The following FHOD3 variants were observed in gnomAD, a reference collection of about 807,000 sequenced individuals.
FHOD3 encodes formin homology 2 domain containing 3.
Under a neutral mutation model 173.0 loss-of-function variants are expected in FHOD3, and 90 were observed. The ratio of observed to expected loss-of-function variants is 0.52; its 90% CI spans 0.44 to 0.62. The LOEUF (loss-of-function observed/expected upper bound fraction) is 0.62, where lower values mean the gene tolerates loss of function less well. FHOD3 is among the 20% of genes least tolerant of loss of function. The probability of loss-of-function intolerance (pLI) is 0.00; values close to 1 mark genes in which losing one functional copy is unlikely to be tolerated. For missense variants in FHOD3, 1,945 were observed against 2,034.7 expected, an observed-to-expected ratio of 0.96 and a Z score of 0.85; for synonymous variants, 828 against 823.0, an observed-to-expected ratio of 1.01 and a Z score of -0.10.
intron 1 of FHOD3, among the ~76,000 whole-genome samples, chr18:36,301,044 G>T (rs1475771430): frequency 2.0e-5 from 3 of 152,144 alleles, no homozygotes; most frequent in Non-Finnish European, 2.9e-5. Context: ...GCCTGGCTGG[G>T]AGTAAACTTT....
intron 3 of FHOD3, among the ~76,000 whole-genome samples, chr18:36,499,756 T>A (rs2145986054): frequency 6.6e-6 from 1 of 152,262 alleles, no homozygotes; most frequent in Middle Eastern, 3.4e-3. Context: ...TTTCTTCGGG[T>A]CAGAGATGAA....
intron 5 of FHOD3, among the ~76,000 whole-genome samples, chr18:36,562,083 G>T (rs1338435872): frequency 2.0e-5 from 3 of 151,884 alleles, no homozygotes; most frequent in Admixed American, 2.0e-4. Flanking sequence ...ATGGCGCAAT[G>T]TTGGCTCACT....
At chr18:36,312,983 G>A (rs1250354361) in intron 1 of FHOD3, among the ~76,000 whole-genome samples, 1 of 152,176 alleles carries the variant, frequency 6.6e-6, no homozygotes, top group Non-Finnish European at 1.5e-5. Flanking sequence ...CAGTCATATG[G>A]CCAGTGCCTG....
intron 15 of FHOD3, among the ~76,000 whole-genome samples, chr18:36,684,041 G>T (rs986116559): frequency 1.3e-5 from 2 of 152,222 alleles, no homozygotes; most frequent in African/African-American, 2.4e-5. Context: ...CTGAATGCAT[G>T]TCTGATTTGT....
chr18:36,385,094 TCCATAA>T (rs1271763928), intron 3 of FHOD3, among the ~76,000 whole-genome samples: 2 of 152,242 alleles, frequency 1.3e-5, no homozygotes, highest in African/African-American at 4.8e-5. Flanking sequence ...GAGCCCATCT[TCCATAA>T]CCAGAACTGG....
chr18:36,524,500 G>A (rs558096833), intron 5 of FHOD3, among the ~76,000 whole-genome samples: 1 of 152,246 alleles, frequency 6.6e-6, no homozygotes, highest in South Asian at 2.1e-4. Flanking sequence ...CCAGGGAGTT[G>A]GACTCATTGA....
chr18:36,749,910 G>C (rs1158480480), intron 24 of FHOD3, among the ~76,000 whole-genome samples: 1 of 150,458 alleles, frequency 6.6e-6, no homozygotes, highest in Non-Finnish European at 1.5e-5. Flanking sequence ...TTGTGGTTTA[G>C]ATTTGCATTT....
At chr18:36,416,950 C>A (rs73949493) in intron 3 of FHOD3, among the ~76,000 whole-genome samples, 7,472 of 152,194 alleles carry the variant, frequency 0.049, 405 homozygotes, top group African/African-American at 0.12. Flanking sequence ...CCACCACTCC[C>A]ACCCTGGCTC....
At chr18:36,446,568 G>A (rs1263211811) in intron 3 of FHOD3, among the ~76,000 whole-genome samples, 1 of 152,182 alleles carries the variant, frequency 6.6e-6, no homozygotes, top group Non-Finnish European at 1.5e-5. Flanking sequence ...TTGCAAGTCA[G>A]TAAGGGTCTG....
intron 2 of FHOD3, among the ~76,000 whole-genome samples, chr18:36,371,034 A>G (rs1013512182): frequency 6.6e-6 from 1 of 152,238 alleles, no homozygotes; most frequent in African/African-American, 2.4e-5. Flanking sequence ...ATCTGTGTTC[A>G]CAGGAATCTT....
At chr18:36,334,868 C>G (rs544550412) in intron 1 of FHOD3, among the ~76,000 whole-genome samples, 2 of 152,102 alleles carry the variant, frequency 1.3e-5, no homozygotes, top group Non-Finnish European at 2.9e-5. Flanking sequence ...GCCCCTCTGG[C>G]CCAAAGATAG....
At chr18:36,709,764 T>A (rs1240124361) in intron 18 of FHOD3, 1 of 182,224 alleles carries the variant, frequency 5.5e-6, no homozygotes, top group African/African-American at 2.4e-5. Context: ...TAAGGCTTTT[T>A]CCGTTTTTGA....
intron 23 of FHOD3, among the ~76,000 whole-genome samples, chr18:36,745,650 C>G (rs1312498874): frequency 6.6e-6 from 1 of 152,060 alleles, no homozygotes; most frequent in Non-Finnish European, 1.5e-5. Context: ...GTCAGTGGCC[C>G]CTAAGTAGCA....
At chr18:36,575,426 T>C (rs1017419707) in intron 5 of FHOD3, among the ~76,000 whole-genome samples, 2 of 152,236 alleles carry the variant, frequency 1.3e-5, no homozygotes, top group Admixed American at 6.5e-5. Flanking sequence ...AACCCACATA[T>C]AAACTTTGTG....
intron 14 of FHOD3, among the ~76,000 whole-genome samples, chr18:36,664,610 A>G (rs1014395496): frequency 6.6e-6 from 1 of 152,126 alleles, no homozygotes; most frequent in African/African-American, 2.4e-5. Flanking sequence ...GTGGGTCCTC[A>G]GCAGGTACTG....
chr18:36,497,846 C>G (rs933170343), intron 3 of FHOD3, among the ~76,000 whole-genome samples: 3 of 152,170 alleles, frequency 2.0e-5, no homozygotes, highest in African/African-American at 7.2e-5. Context: ...ACCACTATTA[C>G]TCAATTTGAT....
At chr18:36,561,229 A>C (rs967605783) in intron 5 of FHOD3, among the ~76,000 whole-genome samples, 3 of 152,252 alleles carry the variant, frequency 2.0e-5, no homozygotes, top group African/African-American at 7.2e-5. Flanking sequence ...TAATTACTAT[A>C]AGGATGGCAA....
chr18:36,395,973 T>C (rs771635639), intron 3 of FHOD3, among the ~76,000 whole-genome samples: 32 of 152,200 alleles, frequency 2.1e-4, no homozygotes, highest in Non-Finnish European at 3.2e-4. Flanking sequence ...CTCCTTCTAG[T>C]AGATTCTTTA....
chr18:36,514,165 T>C (rs1457435375), intron 5 of FHOD3, among the ~76,000 whole-genome samples: 5 of 151,702 alleles, frequency 3.3e-5, no homozygotes, highest in African/African-American at 1.2e-4. Flanking sequence ...CCCGCCACCA[T>C]GCCCAGCTAA....
Sources: allele counts gnomAD v4.1 joint callset (sites outside exome capture counted in the v4.1 genomes callset), GRCh38; gene constraint gnomAD v4.1.1; transcripts MANE v1.5; gene names NCBI Gene and HGNC (gene_info 2026-07-23, HGNC 2026-07-21).